Variants in ITGB3BP observed in about 807,000 individuals in gnomAD.
The protein encoded by ITGB3BP is integrin subunit beta 3 binding protein.
In ITGB3BP, 27 loss-of-function variants were observed where a neutral mutation model predicts 29.1. The ratio of observed to expected loss-of-function variants is 0.93; its 90% CI spans 0.68 to 1.28. The LOEUF is 1.28. Ranked by LOEUF, ITGB3BP falls within the 50% of genes most tolerant of loss-of-function variation. The pLI, the probability that ITGB3BP is intolerant of heterozygous loss-of-function variation, is 0.00. For missense variants in ITGB3BP, 192 were observed against 200.2 expected, an observed-to-expected ratio of 0.96 and a Z score of 0.25; for synonymous variants, 61 against 61.4, an observed-to-expected ratio of 0.99 and a Z score of 0.03.
upstream of ITGB3BP, among the ~76,000 whole-genome samples, chr1:63,526,078 A>C (rs1029163718): frequency 6.6e-6 from 1 of 152,186 alleles, no homozygotes; most frequent in African/African-American, 2.4e-5. Context: ...TTGGCCTCTT[A>C]AGTCACTAGC....
intron 2 of ITGB3BP, among the ~76,000 whole-genome samples, chr1:63,496,395 A>G (rs940357498): frequency 1.3e-5 from 2 of 152,114 alleles, no homozygotes; most frequent in Non-Finnish European, 2.9e-5. Context: ...ACCTGGCACT[A>G]TAATTTGCTC....
chr1:63,446,292 G>A (rs1186430972), intron 8 of ITGB3BP, among the ~76,000 whole-genome samples: 2 of 152,158 alleles, frequency 1.3e-5, no homozygotes, highest in African/African-American at 4.8e-5. Flanking sequence ...GTTATAATAA[G>A]CTATTTATAA....
intron 3 of ITGB3BP, among the ~76,000 whole-genome samples, chr1:63,484,866 A>G (rs1198103061): frequency 6.6e-6 from 1 of 152,026 alleles, no homozygotes; most frequent in Non-Finnish European, 1.5e-5. Flanking sequence ...TTATCCTGTC[A>G]TATTTCATTA....
rs1644906337 is a variant in ITGB3BP at position 63,454,628 on chromosome 1, C to T, written c.334-155G>A. 6.6e-6 allele frequency among the ~76,000 whole-genome samples: 1 copy of T among 151,718 alleles called. No homozygotes were observed. The highest frequency in any genetic ancestry group is 2.4e-5 in the African/African-American group (1 of 41,300). ...TTTCTGGCAGGCCAACTATTTCAAGCCCAAAAATGCCTGAAAAAAAACAAT... is the reference window on the plus strand; with the variant it reads ...TTTCTGGCAGGCCAACTATTTCAAGTCCAAAAATGCCTGAAAAAAAACAAT... On this transcript the variant is annotated intron_variant, in intron 5 of 8. Transcript: ENST00000271002. This position sits in a 1 kb window ranked among gnomAD's most constrained non-coding sequence, Gnocchi z 4.1.
chr1:63,526,237 C>G (rs931218256), upstream of ITGB3BP, among the ~76,000 whole-genome samples: 1 of 151,778 alleles, frequency 6.6e-6, no homozygotes, highest in African/African-American at 2.4e-5. Context: ...TTTGTTTTGT[C>G]TTTTATTGCT....
At chr1:63,528,662 C>T (rs939095346) in intron 2 of ITGB3BP, among the ~76,000 whole-genome samples, 4 of 151,858 alleles carry the variant, frequency 2.6e-5, no homozygotes, top group Non-Finnish European at 5.9e-5. Flanking sequence ...ATCAAAAAAT[C>T]TCATATTATA....
chr1:63,443,933 A>C (rs1169798787), intron 8 of ITGB3BP, among the ~76,000 whole-genome samples: 1 of 152,188 alleles, frequency 6.6e-6, no homozygotes, highest in African/African-American at 2.4e-5. Context: ...CCAGGAGACT[A>C]TAATAATTTG....
Position 63,440,986 on chromosome 1 carries a change from A to G in ITGB3BP, c.*119T>C, listed in dbSNP as rs1192489802. 6.6e-6 allele frequency: 1 copy of G among 152,622 alleles called. No individual in the cohort carries two copies. Among genetic ancestry groups the G allele is most frequent in the African/African-American group, 2.4e-5 (1 of 41,446 alleles). The allele number at this position is 152,622 out of a possible 1,614,324, so 9.5% of individuals were successfully genotyped here. A position where few individuals can be genotyped will look rare whatever the true frequency, so the allele number is the denominator to read the frequency against. The stretch of plus-strand genomic sequence containing the variant: ...ATTTTATCTAGACATGCACCTGCCA[A>G]CTGCTACGAGCTGGTATTTACTGGG... On this transcript the variant is annotated 3_prime_UTR_variant, in exon 9 of 9. Transcript: ENST00000271002.
In ITGB3BP at chr1:63,452,633, CTTT is replaced by C. The variant is rs57856763; in HGVS notation, c.484+1282_484+1284del. On this transcript the variant is annotated intron_variant, in intron 7 of 8. Coordinates refer to ENST00000271002, the MANE Select transcript of ITGB3BP (RefSeq NM_014288.5). Reference sequence around the variant, plus strand: ...TTTCTTTTTTCTTTTTCTTTTCTTTCTTTTTTTTTTTTTTAAAAGATCCCAAGC... The same window carrying C: ...TTTCTTTTTTCTTTTTCTTTTCTTTCTTTTTTTTTTTAAAAGATCCCAAGC... 1.0e-3 allele frequency among the ~76,000 whole-genome samples: 16 copies of C among 15,402 alleles called. 1 individual carries two copies. The Non-Finnish European group carries it at 0.014, about 13-fold the overall frequency. 10.1% of individuals were successfully genotyped at this position (15,402 alleles called of 152,430 possible). A position where few individuals can be genotyped will look rare whatever the true frequency, so the allele number is the denominator to read the frequency against.
At chr1:63,481,289 G>T (rs1259005416) in intron 3 of ITGB3BP, among the ~76,000 whole-genome samples, 1 of 152,040 alleles carries the variant, frequency 6.6e-6, no homozygotes, top group Non-Finnish European at 1.5e-5. Flanking sequence ...AAGGACTTAT[G>T]ATTTTAAATA....
intron 1 of ITGB3BP, among the ~76,000 whole-genome samples, chr1:63,516,029 C>T (rs1158928972): frequency 6.6e-6 from 1 of 151,472 alleles, no homozygotes; most frequent in African/African-American, 2.4e-5. Flanking sequence ...TATATATACA[C>T]CATGGAACAC....
intron 2 of ITGB3BP, among the ~76,000 whole-genome samples, chr1:63,528,821 T>G (rs2474469): frequency 6.6e-6 from 1 of 152,018 alleles, no homozygotes; most frequent in Non-Finnish European, 1.5e-5. Flanking sequence ...TGTGTAAATG[T>G]GTTCTGTATA....
intron 3 of ITGB3BP, among the ~76,000 whole-genome samples, chr1:63,484,620 T>C (rs186967281): frequency 3.3e-5 from 5 of 152,258 alleles, no homozygotes; most frequent in Admixed American, 2.6e-4. Flanking sequence ...TGTATGACTG[T>C]AATTTTTAGT....
At chr1:63,493,113 T>G (rs1349097159) in intron 2 of ITGB3BP, among the ~76,000 whole-genome samples, 1 of 140,574 alleles carries the variant, frequency 7.1e-6, no homozygotes, top group Non-Finnish European at 1.6e-5. Context: ...AGAAAATAGA[T>G]GTCACAACCA....
In ITGB3BP at chr1:63,469,329, ATTT is replaced by A. The variant is rs776273890; in HGVS notation, c.254+9432_254+9434del. On this transcript the variant is annotated intron_variant, in intron 4 of 8. Coordinates refer to ENST00000271002, the MANE Select transcript of ITGB3BP (RefSeq NM_014288.5). ...TTGACCATAAATTATTATTATTATTATTTTTTTTTTTTTTGAGACAGAGTCTTG... is the reference window on the plus strand; with the variant it reads ...TTGACCATAAATTATTATTATTATTATTTTTTTTTTTGAGACAGAGTCTTG... 7.8e-3 allele frequency among the ~76,000 whole-genome samples: 1,169 copies of A among 149,630 alleles called. 13 individuals are homozygous for A. Among genetic ancestry groups the A allele is most frequent in the African/African-American group, 0.026 (1,052 of 40,760 alleles).
chr1:63,478,899 T>A, intron 3 of ITGB3BP, 66 bp from the exon 4 acceptor site: 1 of 577,354 alleles, frequency 1.7e-6, no homozygotes, highest in East Asian at 3.2e-5. Flanking sequence ...TTAAATAGAA[T>A]TTAGTTTGTC....
chr1:63,444,859 G>A (rs1392469027), intron 8 of ITGB3BP, among the ~76,000 whole-genome samples: 1 of 151,876 alleles, frequency 6.6e-6, no homozygotes, highest in African/African-American at 2.4e-5. Flanking sequence ...CTGGGACAAG[G>A]TACTTAACCT....
chr1:63,475,474 G>C (rs1450162038), intron 4 of ITGB3BP, among the ~76,000 whole-genome samples: 1 of 152,142 alleles, frequency 6.6e-6, no homozygotes. Context: ...AGGATAACTC[G>C]AGCCCAACAG....
At chr1:63,462,526 A>T (rs7412612) in intron 4 of ITGB3BP, among the ~76,000 whole-genome samples, 111,560 of 152,172 alleles carry the variant, frequency 0.73, 42,989 homozygotes, top group Non-Finnish European at 0.85. Flanking sequence ...TGGTGAAAGC[A>T]GGTGTCCTTG....
Sources: gnomAD v4.1 joint callset for allele counts (sites outside exome capture counted in the v4.1 genomes callset) on GRCh38, gnomAD v4.1.1 for gene constraint, Gnocchi (gnomAD v3.1) non-coding constraint, MANE v1.5 for transcripts, NCBI Gene and HGNC (gene_info 2026-07-23, HGNC 2026-07-21) for gene names.